PRKCH: variants seen among roughly 807,000 people sequenced by gnomAD.
The protein encoded by PRKCH is protein kinase C eta.
In PRKCH, 28 loss-of-function variants were observed where a neutral mutation model predicts 82.5. The observed-to-expected ratio is 0.34, with a 90% CI of 0.25 to 0.47. The LOEUF is 0.47. Among genes scored for constraint, PRKCH ranks in the 20% least tolerant of loss-of-function variants. The pLI is 1.00. For synonymous variants in PRKCH, 322 were observed against 327.4 expected (o/e 0.98, Z 0.18); for missense variants, 705 against 881.8 (o/e 0.80, Z 2.54).
intron 1 of PRKCH, among the ~76,000 whole-genome samples, chr14:61,265,494 A>C (rs867715355): frequency 1.3e-5 from 2 of 152,164 alleles, no homozygotes; most frequent in Non-Finnish European, 2.9e-5. Flanking sequence ...AAACAAAAAC[A>C]AAAACCCTCA....
chr14:61,317,926 C>T (rs577490983), upstream of PRKCH, among the ~76,000 whole-genome samples: 28 of 152,228 alleles, frequency 1.8e-4, no homozygotes, highest in African/African-American at 4.8e-4. Flanking sequence ...ACTGCCCCTC[C>T]GAGTGTCACA....
chr14:61,365,998 G>C (rs1217152971), intron 1 of PRKCH, among the ~76,000 whole-genome samples: 1 of 152,030 alleles, frequency 6.6e-6, no homozygotes, highest in African/African-American at 2.4e-5. Context: ...ACTGAAACTT[G>C]GGAATGACTG....
chr14:61,385,340 G>A (rs1280237136), intron 1 of PRKCH, among the ~76,000 whole-genome samples: 1 of 151,034 alleles, frequency 6.6e-6, no homozygotes, highest in Non-Finnish European at 1.5e-5. Flanking sequence ...TGAACGCTAT[G>A]ACCTGGGACA....
intron 1 of PRKCH, among the ~76,000 whole-genome samples, chr14:61,352,013 G>A (rs1335622162): frequency 6.6e-6 from 1 of 152,086 alleles, no homozygotes; most frequent in Non-Finnish European, 1.5e-5. Context: ...AACCTGGGTG[G>A]CCCTCACCAT....
intron 2 of PRKCH, among the ~76,000 whole-genome samples, chr14:61,414,462 G>C (rs987880603): frequency 1.3e-5 from 2 of 151,738 alleles, no homozygotes; most frequent in Non-Finnish European, 2.9e-5. Flanking sequence ...TGATAGAGTC[G>C]AGGTTTCACC....
At chr14:61,324,818 T>C (rs757545336) in intron 1 of PRKCH, among the ~76,000 whole-genome samples, 2 of 152,194 alleles carry the variant, frequency 1.3e-5, no homozygotes, top group Non-Finnish European at 2.9e-5. Flanking sequence ...GTATTTTAAA[T>C]TGACATGTAG....
intron 1 of PRKCH, chr14:61,281,019 G>T: frequency 6.5e-7 from 1 of 1,535,780 alleles, no homozygotes. Context: ...TGAAGGCCAG[G>T]CCCGCGCAGA....
intron 10 of PRKCH, among the ~76,000 whole-genome samples, chr14:61,495,189 A>C (rs3783766): frequency 0.073 from 11,098 of 152,246 alleles, 1,213 homozygotes; most frequent in African/African-American, 0.24. Context: ...GCAGTTTCTC[A>C]AAGGACCTAA....
At chr14:61,283,848 A>G (rs952364633) in intron 1 of PRKCH, among the ~76,000 whole-genome samples, 1 of 152,208 alleles carries the variant, frequency 6.6e-6, no homozygotes, top group African/African-American at 2.4e-5. Flanking sequence ...TAAAAATAAA[A>G]TAAAAAAAGA....
At chr14:61,208,652 A>G (rs1196190287) in intron 1 of PRKCH, among the ~76,000 whole-genome samples, 1 of 152,228 alleles carries the variant, frequency 6.6e-6, no homozygotes, top group African/African-American at 2.4e-5. Flanking sequence ...TAAGCGAACC[A>G]GGCATTTTCT....
intron 9 of PRKCH, among the ~76,000 whole-genome samples, chr14:61,471,785 C>T (rs912695934): frequency 1.1e-4 from 16 of 152,150 alleles, no homozygotes; most frequent in African/African-American, 3.4e-4. Context: ...CCAGCAGCAC[C>T]TCTCCAGTTA....
Position 61,457,512 on chromosome 14 carries a change from C to G in PRKCH, c.1111C>G (p.Leu371Val). 6.2e-7 allele frequency: 1 copy of G among 1,613,942 alleles called. No individual in the cohort carries two copies. Among genetic ancestry groups the G allele is most frequent in the Non-Finnish European group, 8.5e-7 (1 of 1,179,886 alleles). ...LGKGSFGKVM[L>V]ARVKETGDLY... ...TCCTTTTGCTTTGCCATAGGTGATG[C>G]TTGCAAGAGTAAAAGAAACAGGAGA... The change falls in exon 9 of 14, where the codon CTT (leucine) becomes GTT (valine). Residue 371 changes from leucine to valine, a missense_variant. Around this residue, in one of 5 missense-constraint regions of PRKCH, gnomAD observed 238 missense variants for 258.1 expected, o/e 0.92. Transcript: ENST00000332981.
At chr14:61,246,936 G>A (rs1435230507) in intron 1 of PRKCH, among the ~76,000 whole-genome samples, 2 of 151,934 alleles carry the variant, frequency 1.3e-5, no homozygotes, top group Middle Eastern at 3.4e-3. Context: ...GACCCTCTTC[G>A]GCCCCCATTG....
intron 1 of PRKCH, among the ~76,000 whole-genome samples, chr14:61,233,799 T>C (rs2044764337): frequency 6.6e-6 from 1 of 152,246 alleles, no homozygotes; most frequent in Admixed American, 6.5e-5. Flanking sequence ...TCCTGAGGCC[T>C]CTCCAGCCAT....
intron 1 of PRKCH, among the ~76,000 whole-genome samples, chr14:61,207,071 A>C (rs2044531232): frequency 7.7e-6 from 1 of 130,566 alleles, no homozygotes; most frequent in African/African-American, 2.9e-5. Flanking sequence ...ATGCCATTGC[A>C]CTCCAGCCTG....
At chr14:61,462,041 T>A (rs963606575) in intron 9 of PRKCH, among the ~76,000 whole-genome samples, 1 of 152,160 alleles carries the variant, frequency 6.6e-6, no homozygotes, top group South Asian at 2.1e-4. Flanking sequence ...AGTAGATGTC[T>A]CCAAAGCAAA....
chr14:61,536,404 T>TCCTTTCCCGGCCTGCTGGATCTGC (rs2043109575), intron 12 of PRKCH, among the ~76,000 whole-genome samples: 1 of 152,030 alleles, frequency 6.6e-6, no homozygotes, highest in South Asian at 2.1e-4. Flanking sequence ...CCCTGGGAGA[T>TCCTTTCCCGGCCTGCTGGATCTGC]CCTTTCCCGG....
At chr14:61,460,872 C>T (rs1002363143) in intron 9 of PRKCH, among the ~76,000 whole-genome samples, 4 of 152,200 alleles carry the variant, frequency 2.6e-5, no homozygotes, top group African/African-American at 9.7e-5. Flanking sequence ...TGGGCGTTTT[C>T]ATACATTTCA....
chr14:61,428,763 T>A (rs1293297180), intron 2 of PRKCH, among the ~76,000 whole-genome samples: 1 of 152,092 alleles, frequency 6.6e-6, no homozygotes, highest in Admixed American at 6.5e-5. Flanking sequence ...AAATGAAAAA[T>A]TTCTGTGTCT....
Sources: gnomAD v4.1 joint callset for allele counts (sites outside exome capture counted in the v4.1 genomes callset) on GRCh38, gnomAD v4.1.1 for gene constraint, gnomAD v4.1.1 regional missense constraint, MANE v1.5 for transcripts, NCBI Gene and HGNC (gene_info 2026-07-23, HGNC 2026-07-21) for gene names.